The following TCEA3 variants were observed in gnomAD, a reference collection of about 807,000 sequenced individuals.
TCEA3 encodes transcription elongation factor A protein 3.
In TCEA3, 36 loss-of-function variants were observed where a neutral mutation model predicts 44.0. The observed-to-expected ratio is 0.82, with a 90% confidence interval of 0.63 to 1.08. The LOEUF is 1.08. Among genes scored for constraint, TCEA3 ranks in the 50% least tolerant of loss-of-function variants. The probability of loss-of-function intolerance (pLI) is 0.00; values close to 1 mark genes in which losing one functional copy is unlikely to be tolerated. For synonymous variants in TCEA3, 162 were observed against 159.7 expected, an observed-to-expected ratio of 1.01 and a Z score of -0.11; for missense variants, 392 against 441.2, an observed-to-expected ratio of 0.89 and a Z score of 1.00.
chr1:23,424,638 G>A lies in TCEA3; in HGVS notation c.-5C>T, dbSNP rs1478474651. 6.2e-7 allele frequency: 1 copy of A among 1,605,096 alleles called. No individual in the cohort carries two copies. ...CAGCTCCTCTTCCTGGCCCATGTTG[G>A]CCCGCGACGCCCGGCGGGGCGAGGG... On this transcript the variant is annotated 5_prime_UTR_variant, in exon 1 of 11. Coordinates refer to ENST00000450454, the MANE Select transcript of TCEA3 (RefSeq NM_003196.3).
intron 7 of TCEA3, 57 bp from the exon 8 acceptor site, chr1:23,394,090 C>T: frequency 6.3e-7 from 1 of 1,590,424 alleles, no homozygotes; most frequent in African/African-American, 1.3e-5. Context: ...GGGTGCAGGC[C>T]TGGCCCTGAC....
chr1:23,417,859 T>C, intron 3 of TCEA3, 45 bp downstream of exon 3: 1 of 1,568,158 alleles, frequency 6.4e-7, no homozygotes, highest in East Asian at 2.2e-5. Flanking sequence ...CTGTCCCAAG[T>C]GCTAGGAGAA....
At chr1:23,404,648 T>A (rs935985355) in intron 5 of TCEA3, among the ~76,000 whole-genome samples, 1 of 152,026 alleles carries the variant, frequency 6.6e-6, no homozygotes, top group Non-Finnish European at 1.5e-5. Flanking sequence ...AATGTGAATA[T>A]GTTGCTGATA....
At chr1:23,388,191 A>T (rs1638910800) in intron 8 of TCEA3, among the ~76,000 whole-genome samples, 1 of 148,704 alleles carries the variant, frequency 6.7e-6, no homozygotes. Flanking sequence ...CAAAATGAGG[A>T]TTTTAAACTT....
chr1:23,418,097 A>C, intron 2 of TCEA3, 88 bp from the exon 3 acceptor site: 1 of 1,316,172 alleles, frequency 7.6e-7, no homozygotes, highest in Non-Finnish European at 1.1e-6. Flanking sequence ...CAGCTCTACC[A>C]CCACCTCCCC....
At chr1:23,388,290 T>C (rs1210854) in intron 8 of TCEA3, among the ~76,000 whole-genome samples, 132,946 of 150,624 alleles carry the variant, frequency 0.88, 59,047 homozygotes, top group Non-Finnish European at 0.93. Context: ...CTCCACCTCC[T>C]GGGTTCAAGC....
chr1:23,408,158 T>C (rs1289233718), intron 5 of TCEA3, among the ~76,000 whole-genome samples: 1 of 152,084 alleles, frequency 6.6e-6, no homozygotes, highest in Non-Finnish European at 1.5e-5. Context: ...GGCGGGGTTT[T>C]GCCATGTTGG....
chr1:23,381,874 AAG>A (rs1638680560), intron 10 of TCEA3, among the ~76,000 whole-genome samples: 2 of 152,162 alleles, frequency 1.3e-5, no homozygotes, highest in African/African-American at 4.8e-5. Context: ...TCCAACTAGT[AAG>A]AGTCAAGGAA....
chr1:23,388,924 C>T (rs1018087119), intron 8 of TCEA3, among the ~76,000 whole-genome samples: 3 of 152,150 alleles, frequency 2.0e-5, no homozygotes, highest in South Asian at 2.1e-4. Flanking sequence ...CTCAAGTGAT[C>T]TGCCTACTTT....
chr1:23,398,912 GCACGC>G (rs905305064), intron 5 of TCEA3, among the ~76,000 whole-genome samples: 2 of 151,620 alleles, frequency 1.3e-5, no homozygotes, highest in Non-Finnish European at 2.9e-5. Context: ...GACCACAGGA[GCACGC>G]CATCATGCCT....
At chr1:23,408,054 TG>T (rs1301167818) in intron 5 of TCEA3, among the ~76,000 whole-genome samples, 1 of 152,044 alleles carries the variant, frequency 6.6e-6, no homozygotes, top group Non-Finnish European at 1.5e-5. Context: ...CTCTGCCTCC[TG>T]GGTTCAAGCG....
chr1:23,419,396 C>T (rs527656915), intron 1 of TCEA3: 2 of 357,386 alleles, frequency 5.6e-6, no homozygotes, highest in South Asian at 1.4e-4. Flanking sequence ...CTGTGCCTCT[C>T]CCCAGGAATG....
rs187341578 is a variant in TCEA3 at position 23,409,672 on chromosome 1, T to C, written c.381-946A>G. On this transcript the variant is annotated intron_variant, in intron 4 of 10. Coordinates refer to ENST00000450454, the MANE Select transcript of TCEA3 (RefSeq NM_003196.3). ...AAGTGACTCTCCTGCCTCAGCCTCC[T>C]GGGTAGCTGGGACTTACAGGCGTGT... Among the ~76,000 whole-genome samples the C allele has an allele frequency of 9.6e-4, 145 of 151,502 alleles. 1 individual carries two copies. The East Asian group carries it at 0.026, about 27-fold the overall frequency.
chr1:23,393,204 AG>A (rs1291790830), intron 8 of TCEA3, among the ~76,000 whole-genome samples: 1 of 152,154 alleles, frequency 6.6e-6, no homozygotes, highest in African/African-American at 2.4e-5. Context: ...GGCGGAGCTC[AG>A]GCAGTAATGC....
intron 4 of TCEA3, among the ~76,000 whole-genome samples, chr1:23,415,496 A>G (rs1249424132): frequency 2.0e-5 from 3 of 151,964 alleles, no homozygotes; most frequent in South Asian, 4.1e-4. Context: ...ACTTCATCTC[A>G]TAAGAGCTCT....
rs1640054165 is a variant in TCEA3, at chr1:23,421,143, A to G, written c.70-2004T>C. Among the ~76,000 whole-genome samples, 3 of 152,216 alleles carry G rather than the reference A, an allele frequency of 2.0e-5. No individual in the cohort carries two copies. In the South Asian group the frequency reaches 6.2e-4, roughly 32 times the overall value. On this transcript the variant is annotated intron_variant, in intron 1 of 10. Coordinates refer to ENST00000450454, the MANE Select transcript of TCEA3 (RefSeq NM_003196.3). ...GGGGGTACACAACTCCAAGTGTAAC[A>G]TTAATTAAAGGCTTGCTATGTACTA... is the stretch of plus-strand genomic sequence containing the variant.
In TCEA3 at chr1:23,397,901, C is replaced by CA. The variant is rs1639269572; in HGVS notation, c.497dup (p.Leu166PhefsTer39). The stretch of plus-strand genomic sequence containing the variant: ...ACATGGAAGAGGCAAACGTGGGGGT[C>CA]AAGGGGCTGCTAGGTGTTTTGGGGC... On this transcript the variant is annotated frameshift_variant, in exon 6 of 11. Coordinates refer to ENST00000450454, the MANE Select transcript of TCEA3 (RefSeq NM_003196.3). LOFTEE classifies it high-confidence loss of function. 2 of 1,613,792 alleles carry CA rather than the reference C, an allele frequency of 1.2e-6. No individual in the cohort carries two copies. Among genetic ancestry groups the CA allele is most frequent in the Non-Finnish European group, 1.7e-6 (2 of 1,179,818 alleles).
intron 4 of TCEA3, among the ~76,000 whole-genome samples, chr1:23,409,741 G>A (rs906402480): frequency 6.6e-6 from 1 of 151,950 alleles, no homozygotes; most frequent in African/African-American, 2.4e-5. Context: ...TAGAGAGGGG[G>A]TTTCACCATG....
intron 1 of TCEA3, among the ~76,000 whole-genome samples, chr1:23,422,933 G>T (rs1363147517): frequency 6.6e-6 from 1 of 152,158 alleles, no homozygotes; most frequent in Non-Finnish European, 1.5e-5. Context: ...CGGTCTCTAG[G>T]CGTCCCCACC....
Sources: gnomAD v4.1 joint callset for allele counts (sites outside exome capture counted in the v4.1 genomes callset) on GRCh38, gnomAD v4.1.1 for gene constraint, MANE v1.5 for transcripts, NCBI Gene and HGNC (gene_info 2026-07-23, HGNC 2026-07-21) for gene names.